Variants in ZNF415 observed in about 807,000 individuals in gnomAD.
The protein encoded by ZNF415 is zinc finger protein 415.
Under a neutral mutation model 7.3 loss-of-function variants are expected in ZNF415, and 5 were observed. That is an observed-to-expected ratio of 0.69 (90% CI 0.36 to 1.44). The LOEUF is 1.44. Among genes scored for constraint, ZNF415 ranks in the 40% most tolerant of loss-of-function variants. ZNF415 has a pLI of 0.04. For synonymous variants in ZNF415, 207 were observed against 226.3 expected (o/e 0.91, Z 0.77); for missense variants, 628 against 664.8 (o/e 0.94, Z 0.61).
chr19:53,127,355 C>T (rs866655196), intron 1 of ZNF415, among the ~76,000 whole-genome samples: 3 of 152,168 alleles, frequency 2.0e-5, no homozygotes, highest in Non-Finnish European at 2.9e-5. Context: ...TACGAAATTT[C>T]GCAAGTCCCA....
chr19:53,130,463 C>G (rs1413891019), intron 1 of ZNF415, among the ~76,000 whole-genome samples: 1 of 152,026 alleles, frequency 6.6e-6, no homozygotes, highest in Non-Finnish European at 1.5e-5. Context: ...ATTGAAAACA[C>G]ATTATATTTA....
intron 1 of ZNF415, chr19:53,129,812 C>T (rs2089806767): frequency 5.2e-6 from 2 of 386,794 alleles, no homozygotes; most frequent in Non-Finnish European, 9.1e-6. Context: ...TGCCTGTAAT[C>T]CCAGCACTTC....
At chr19:53,130,861 G>C (rs2089976959) in intron 1 of ZNF415, among the ~76,000 whole-genome samples, 1 of 151,942 alleles carries the variant, frequency 6.6e-6, no homozygotes, top group African/African-American at 2.4e-5. Flanking sequence ...TGCCAGGCTG[G>C]TCTTGAACTA....
Position 53,127,884 on chromosome 19 carries a change from A to AAAGAAAAAG in ZNF415, c.-68+4971_-68+4972insCTTTTTCTT, listed in dbSNP as rs111988983. On this transcript the variant is annotated intron_variant, in intron 1 of 3. Coordinates refer to ENST00000243643, the MANE Select transcript of ZNF415 (RefSeq NM_018355.4). ...GAGCGAGACACCGTCTCAAAAAAAAAAAAAAGAAAAAGAAAAAGAAAAAGA... is the reference window on the plus strand; with the variant it reads ...GAGCGAGACACCGTCTCAAAAAAAAAAAGAAAAAGAAAAAGAAAAAGAAAAAGAAAAAGA... Among the ~76,000 whole-genome samples the AAAGAAAAAG allele has an allele frequency of 2.9e-4, 43 of 149,290 alleles. No individual in the cohort carries two copies. The South Asian group carries it at 6.8e-3, about 24-fold the overall frequency.
chr19:53,124,772 G>A (rs1411160567), intron 1 of ZNF415, among the ~76,000 whole-genome samples: 3 of 151,930 alleles, frequency 2.0e-5, no homozygotes, highest in African/African-American at 7.3e-5. Context: ...GGGACTCAAC[G>A]GTGAAAAAAA....
chr19:53,122,544 G>A (rs1023587318), intron 2 of ZNF415, 118 bp downstream of exon 2: 1 of 1,600,466 alleles, frequency 6.2e-7, no homozygotes, highest in Non-Finnish European at 8.5e-7. Flanking sequence ...GGGTCAATGT[G>A]AGCAAACGCG....
intron 3 of ZNF415, chr19:53,115,404 C>T: frequency 2.7e-6 from 1 of 370,908 alleles, no homozygotes; most frequent in South Asian, 3.8e-5. Flanking sequence ...TGTGATGTGG[C>T]CCCTCCCGGA....
intron 1 of ZNF415, among the ~76,000 whole-genome samples, chr19:53,128,355 G>A (rs1243848584): frequency 2.0e-5 from 3 of 147,110 alleles, no homozygotes; most frequent in African/African-American, 5.0e-5. Context: ...CTGAGCTGAC[G>A]GAGGATGTCC....
At chr19:53,131,674 G>T (rs9967612) in intron 1 of ZNF415, among the ~76,000 whole-genome samples, 67,172 of 151,286 alleles carry the variant, frequency 0.44, 15,668 homozygotes, top group African/African-American at 0.6. Context: ...GCTCCTCCCC[G>T]TCTTCCCTCT....
intron 2 of ZNF415, among the ~76,000 whole-genome samples, chr19:53,121,077 CAAAAAAAAAAAA>C (rs58307730): frequency 5.0e-5 from 2 of 40,350 alleles, no homozygotes; most frequent in African/African-American, 1.1e-4. Context: ...GAGGAAGACT[CAAAAAAAAAAAA>C]AAAAAAAAAA....
Position 53,113,378 on chromosome 19 carries a change from A to G in ZNF415, c.136+2935T>C, listed in dbSNP as rs1398539774. 3.6e-5 allele frequency among the ~76,000 whole-genome samples: 3 copies of G among 82,880 alleles called. 1 individual carries two copies. Among genetic ancestry groups the G allele is most frequent in the Non-Finnish European group, 4.8e-5 (2 of 41,666 alleles). 54.4% of individuals were successfully genotyped at this position (82,880 alleles called of 152,430 possible). On this transcript the variant is annotated intron_variant, in intron 3 of 3. Transcript: ENST00000243643. Reference sequence around the variant, plus strand: ...AAAAATTAGCCGGGCATGGTGGCGCACGCCTGTAGTCCCAGCTACACGGGA... The same window carrying G: ...AAAAATTAGCCGGGCATGGTGGCGCGCGCCTGTAGTCCCAGCTACACGGGA...
intron 3 of ZNF415, chr19:53,115,625 A>T: frequency 9.0e-7 from 1 of 1,106,580 alleles, no homozygotes; most frequent in East Asian, 2.6e-5. Context: ...TTGTTTTCCT[A>T]CAGAACTCTC....
chr19:53,122,298 T>C (rs1179221253), intron 2 of ZNF415: 9 of 1,130,474 alleles, frequency 8.0e-6, no homozygotes, highest in Non-Finnish European at 1.0e-5. Flanking sequence ...ATGACTTCCA[T>C]GGGCAGCTTC....
At chr19:53,123,403 G>A (rs889770579) in intron 1 of ZNF415, 6 of 397,584 alleles carry the variant, frequency 1.5e-5, no homozygotes, top group African/African-American at 8.2e-5. Context: ...GTGGGGGTGA[G>A]GGTGTAGCTG....
Position 53,109,173 on chromosome 19 carries a change from C to T in ZNF415, c.872G>A (p.Arg291Gln), listed in dbSNP as rs138480197. 9.5e-5 allele frequency: 153 copies of T among 1,613,858 alleles called. 1 individual carries two copies. The highest frequency in any genetic ancestry group is 8.2e-4 in the Middle Eastern group (5 of 6,084). ...FSRNSCLALH[R>Q]RVHTGEKPYK... The stretch of plus-strand genomic sequence containing the variant: ...AGGTTTCTCTCCAGTGTGAACTCTC[C>T]GATGTAGTGCAAGGCATGAGTTGCG... Residue 291 changes from arginine (R) to glutamine (Q), a missense_variant, in exon 4 of 4, where the codon CGG becomes CAG. Arg to Gln is a conservative substitution (Grantham distance 43). Coordinates refer to ENST00000243643, the MANE Select transcript of ZNF415 (RefSeq NM_018355.4).
intron 3 of ZNF415, among the ~76,000 whole-genome samples, chr19:53,111,236 A>G (rs329738): frequency 0.9 from 136,356 of 152,012 alleles, 61,330 homozygotes; most frequent in African/African-American, 0.95. Context: ...TCAGCGAGCC[A>G]GTACCAGGAA....
intron 3 of ZNF415, 150 bp downstream of exon 3, chr19:53,116,163 C>T (rs887082085): frequency 1.1e-6 from 1 of 934,458 alleles, no homozygotes; most frequent in East Asian, 2.4e-5. Context: ...GATGGTTAAA[C>T]TCCAGAGTTC....
chr19:53,115,057 C>T (rs1269414835), intron 3 of ZNF415, among the ~76,000 whole-genome samples: 4 of 152,038 alleles, frequency 2.6e-5, no homozygotes, highest in African/African-American at 7.3e-5. Context: ...AGAGACCGGC[C>T]GGGCGCGGCA....
chr19:53,115,642 G>A, intron 3 of ZNF415: 1 of 1,289,244 alleles, frequency 7.8e-7, no homozygotes, highest in Non-Finnish European at 1.1e-6. Flanking sequence ...TCTCCCACTT[G>A]CTAAGAGTTT....
Sources: gnomAD v4.1 joint callset for allele counts (sites outside exome capture counted in the v4.1 genomes callset) on GRCh38, gnomAD v4.1.1 for gene constraint, MANE v1.5 for transcripts, NCBI Gene and HGNC (gene_info 2026-07-23, HGNC 2026-07-21) for gene names.